The following CCDC148 variants were observed in gnomAD, a reference collection of about 807,000 sequenced individuals.
The protein encoded by CCDC148 is coiled-coil domain-containing protein 148.
CCDC148 carries 89 observed loss-of-function variants against 85.7 expected under a neutral mutation model. The ratio of observed to expected loss-of-function variants is 1.04; its 90% CI spans 0.87 to 1.24. The LOEUF (loss-of-function observed/expected upper bound fraction) is 1.24. CCDC148 is among the 50% of genes most tolerant of loss of function. The pLI is 0.00. For missense variants in CCDC148, 692 were observed against 671.7 expected (o/e 1.03, Z -0.33); for synonymous variants, 230 against 213.9 (o/e 1.08, Z -0.66).
At chr2:158,198,692 T>C (rs1685800446) in intron 11 of CCDC148, among the ~76,000 whole-genome samples, 1 of 152,170 alleles carries the variant, frequency 6.6e-6, no homozygotes. Flanking sequence ...GAAATAATTA[T>C]TTGGAATTAT....
At chr2:158,400,648 G>GT (rs1426152898) in intron 1 of CCDC148, among the ~76,000 whole-genome samples, 5 of 152,194 alleles carry the variant, frequency 3.3e-5, no homozygotes, top group African/African-American at 1.2e-4. Flanking sequence ...ATAGGTATGG[G>GT]GAAAGACTTC....
chr2:158,394,377 A>T (rs1286536423), intron 1 of CCDC148, among the ~76,000 whole-genome samples: 3 of 152,032 alleles, frequency 2.0e-5, no homozygotes, highest in Non-Finnish European at 4.4e-5. Flanking sequence ...TAAAATGAAC[A>T]AAAAGGGAAA....
intron 9 of CCDC148, among the ~76,000 whole-genome samples, chr2:158,277,986 A>T (rs1020609400): frequency 1.3e-5 from 2 of 152,232 alleles, no homozygotes; most frequent in African/African-American, 4.8e-5. Flanking sequence ...CAATTTGACT[A>T]GCACCTGTGG....
chr2:158,208,989 T>C (rs1686406697), intron 11 of CCDC148, among the ~76,000 whole-genome samples: 1 of 152,060 alleles, frequency 6.6e-6, no homozygotes, highest in African/African-American at 2.4e-5. Context: ...GCTCCCTTCA[T>C]TAACCTTCTA....
intron 7 of CCDC148, among the ~76,000 whole-genome samples, chr2:158,329,877 C>T (rs543991679): frequency 2.4e-4 from 37 of 152,132 alleles, no homozygotes; most frequent in African/African-American, 6.0e-4. Flanking sequence ...GAGACTTTGC[C>T]GAAGTTACCT....
At chr2:158,336,154 G>A (rs138107246) in intron 7 of CCDC148, among the ~76,000 whole-genome samples, 1 of 152,276 alleles carries the variant, frequency 6.6e-6, no homozygotes, top group Non-Finnish European at 1.5e-5. Flanking sequence ...CCATATCAAA[G>A]TAGTGAAGAT....
In CCDC148 at chr2:158,251,323, C is replaced by A. The variant is rs561076581; in HGVS notation, c.1111-411G>T. Among the ~76,000 whole-genome samples, 655 of 151,724 alleles carry A rather than the reference C, an allele frequency of 4.3e-3. 2 individuals carry two copies. The highest frequency in any genetic ancestry group is 4.1e-3 in the Admixed American group (62 of 15,192). On this transcript the variant is annotated intron_variant, in intron 9 of 13. Coordinates refer to ENST00000283233, the MANE Select transcript of CCDC148 (RefSeq NM_138803.4). ...TTTAAGAATCTCTGCAATATTTCAG[C>A]CTTCTTATTTTATAAGAATGGAAAA...
At chr2:158,365,843 T>C (rs745563313) in intron 1 of CCDC148, among the ~76,000 whole-genome samples, 2 of 152,124 alleles carry the variant, frequency 1.3e-5, no homozygotes, top group African/African-American at 2.4e-5. Context: ...CTGACCACTG[T>C]TGAGGATTAA....
intron 1 of CCDC148, among the ~76,000 whole-genome samples, chr2:158,421,485 A>C (rs1165971003): frequency 6.6e-6 from 1 of 152,232 alleles, no homozygotes; most frequent in Non-Finnish European, 1.5e-5. Context: ...CTCCTGAATG[A>C]CTACTGGGTA....
intron 9 of CCDC148, among the ~76,000 whole-genome samples, chr2:158,287,906 C>T (rs540096599): frequency 1.6e-4 from 24 of 152,304 alleles, no homozygotes; most frequent in African/African-American, 5.1e-4. Context: ...AGGGCCCCAC[C>T]CCTGTAGCAA....
At chr2:158,370,499 C>G (rs1381036974) in intron 1 of CCDC148, among the ~76,000 whole-genome samples, 1 of 151,982 alleles carries the variant, frequency 6.6e-6, no homozygotes, top group Non-Finnish European at 1.5e-5. Flanking sequence ...TGATCTTGGT[C>G]ATTTTCATAT....
At chr2:158,399,803 G>C (rs936290214) in intron 1 of CCDC148, among the ~76,000 whole-genome samples, 21 of 152,036 alleles carry the variant, frequency 1.4e-4, no homozygotes, top group East Asian at 3.9e-4. Context: ...TGAAATAAAG[G>C]GTATTCGATT....
At chr2:158,313,554 C>G (rs1692137984) in intron 8 of CCDC148, among the ~76,000 whole-genome samples, 1 of 152,174 alleles carries the variant, frequency 6.6e-6, no homozygotes, top group Non-Finnish European at 1.5e-5. Context: ...CCCGAGGGGG[C>G]CCCCCACCTC....
chr2:158,423,937 C>T (rs1007846038), intron 1 of CCDC148, among the ~76,000 whole-genome samples: 2 of 152,210 alleles, frequency 1.3e-5, no homozygotes, highest in Non-Finnish European at 2.9e-5. Context: ...CAAAAGAAGA[C>T]ATTTACGCAG....
chr2:158,323,282 A>C (rs1692605544), intron 7 of CCDC148, among the ~76,000 whole-genome samples: 1 of 152,244 alleles, frequency 6.6e-6, no homozygotes, highest in Non-Finnish European at 1.5e-5. Context: ...TAAATATAAA[A>C]TGCTGACCAG....
At chr2:158,313,928 G>A (rs1252946397) in intron 7 of CCDC148, 34 bp from the exon 8 acceptor site, 3 of 1,587,780 alleles carry the variant, frequency 1.9e-6, no homozygotes, top group African/African-American at 1.4e-5. Context: ...ACATATTATT[G>A]AGCAATCATG....
intron 1 of CCDC148, among the ~76,000 whole-genome samples, chr2:158,418,798 T>C (rs563787089): frequency 1.4e-4 from 22 of 152,146 alleles, no homozygotes; most frequent in Admixed American, 1.1e-3. Flanking sequence ...TTATCATATA[T>C]ATATCTCTTA....
chr2:158,312,511 G>A (rs947425670), intron 8 of CCDC148, among the ~76,000 whole-genome samples: 4 of 151,050 alleles, frequency 2.6e-5, no homozygotes, highest in Non-Finnish European at 4.4e-5. Flanking sequence ...GAACCCAGGA[G>A]GGGGAGGTTT....
chr2:158,405,422 T>C lies in CCDC148; in HGVS notation c.26-46852A>G, dbSNP rs372921530. Among the ~76,000 whole-genome samples the C allele has an allele frequency of 8.5e-5, 13 of 152,150 alleles. No individual in the cohort carries two copies. In the East Asian group the frequency reaches 2.3e-3, roughly 27 times the overall value. ...GCTTCATTAGTGGCAATATGTGACA[T>C]TCAATAAGTCTAAATGAAGGAAATG... is the stretch of plus-strand genomic sequence containing the variant. On this transcript the variant is annotated intron_variant, in intron 1 of 13. Transcript: ENST00000283233.
Sources: allele counts gnomAD v4.1 joint callset (sites outside exome capture counted in the v4.1 genomes callset), GRCh38; gene constraint gnomAD v4.1.1; transcripts MANE v1.5; gene names NCBI Gene and HGNC (gene_info 2026-07-23, HGNC 2026-07-21).